The following IST1 variants were observed in gnomAD, a reference collection of about 807,000 sequenced individuals.
The protein encoded by IST1 is IST1 factor associated with ESCRT-III.
IST1 carries 23 observed loss-of-function variants against 37.0 expected under a neutral mutation model. The ratio of observed to expected loss-of-function variants is 0.62; its 90% confidence interval spans 0.45 to 0.88. IST1 has a LOEUF of 0.88. Among genes scored for constraint, IST1 ranks in the 40% least tolerant of loss-of-function variants. IST1 has a pLI of 0.00. For missense variants in IST1, 488 were observed against 445.4 expected, an observed-to-expected ratio of 1.10 and a Z score of -0.86; for synonymous variants, 180 against 161.7, an observed-to-expected ratio of 1.11 and a Z score of -0.86.
chr16:71,917,075 G>T lies in IST1; in HGVS notation c.298G>T (p.Val100Leu). The T allele has an allele frequency of 6.2e-7, 1 of 1,611,744 alleles. No homozygotes were observed. The highest frequency in any genetic ancestry group is 8.5e-7 in the Non-Finnish European group (1 of 1,178,876). The change falls in exon 4 of 10, where the codon GTG becomes TTG. Residue 100 changes from valine to leucine, a missense_variant. Val to Leu is a conservative substitution (Grantham distance 32). Around this residue, in one of 2 missense-constraint regions of IST1, gnomAD observed 455 missense variants for 386.2 expected, o/e 1.18. Transcript: ENST00000378799. ...ACTAGATTCTGGTCTGGCTGAATCT[G>T]TGTCTACATTGATCTGGGCTGCTCC... is the stretch of plus-strand genomic sequence containing the variant. The part of the protein sequence containing the change: ...KELDSGLAES[V>L]STLIWAAPRL...
In IST1 at chr16:71,916,440, C is replaced by A. The variant is rs201160658; in HGVS notation, c.89-22C>A. On this transcript the variant is annotated intron_variant, in intron 2 of 9. Transcript: ENST00000378799. ...TGCAAGTGCTCTACTGCTGTGAGATCGGAGTGGGATTTGTGTCTTAGCGGA... is the reference window on the plus strand; with the variant it reads ...TGCAAGTGCTCTACTGCTGTGAGATAGGAGTGGGATTTGTGTCTTAGCGGA... 56 of 1,609,082 alleles carry A rather than the reference C, an allele frequency of 3.5e-5. No individual in the cohort carries two copies. In the Middle Eastern group the frequency reaches 8.9e-4, roughly 26 times the overall value.
intron 2 of IST1, 67 bp from the exon 3 acceptor site, chr16:71,916,395 A>C (rs1269489192): frequency 3.5e-5 from 52 of 1,477,614 alleles, no homozygotes; most frequent in Non-Finnish European, 4.9e-5. Flanking sequence ...TGTTGGGGGG[A>C]GATTGGCCTG....
At position 71,927,672 on chromosome 16, in the gene IST1, T is replaced by C. The variant is rs1416818744; in HGVS notation, c.960T>C (p.Tyr320=). The change falls in exon 10 of 10, where the codon TAT becomes TAC. Residue 320 remains tyrosine, a synonymous_variant. Coordinates refer to ENST00000378799, the MANE Select transcript of IST1 (RefSeq NM_001270975.2). ...AKLPSRPADN[Y]DNFVLPELPS... ...TTCCTTCCAGACCTGCAGATAACTATGACAACTTTGTCCTACCAGAGTTGC... is the reference window on the plus strand; with the variant it reads ...TTCCTTCCAGACCTGCAGATAACTACGACAACTTTGTCCTACCAGAGTTGC... 1 of 1,613,980 alleles carries C rather than the reference T, an allele frequency of 6.2e-7. No homozygotes were observed. The highest frequency in any genetic ancestry group is 1.3e-5 in the African/African-American group (1 of 75,060).
chr16:71,918,108 G>C (rs981055778), intron 4 of IST1, among the ~76,000 whole-genome samples: 2 of 152,192 alleles, frequency 1.3e-5, no homozygotes, highest in African/African-American at 4.8e-5. Context: ...TGAGGAACTA[G>C]TCATCTTTCC....
At chr16:71,920,945 T>C (rs1567471336) in intron 5 of IST1, 123 bp downstream of exon 5, 1 of 763,334 alleles carries the variant, frequency 1.3e-6, no homozygotes, top group African/African-American at 1.7e-5. Flanking sequence ...CATAGTGGGG[T>C]GAGGAGGACA....
Position 71,927,892 on chromosome 16 carries a change from A to T in IST1, c.*79A>T. 1 of 1,030,446 alleles carries T rather than the reference A, an allele frequency of 9.7e-7. No individual in the cohort carries two copies. The highest frequency in any genetic ancestry group is 1.5e-6 in the Non-Finnish European group (1 of 667,726). The allele number at this position is 1,030,446 out of a possible 1,614,324, so 63.8% of individuals were successfully genotyped here. On this transcript the variant is annotated 3_prime_UTR_variant, in exon 10 of 10. Transcript: ENST00000378799. Reference sequence around the variant, plus strand: ...TCCTTGTAACAAAGAATCTCCATGAAATTCTGTTTCATCTGTTAACCGTCA... The same window carrying T: ...TCCTTGTAACAAAGAATCTCCATGATATTCTGTTTCATCTGTTAACCGTCA...
chr16:71,908,051 T>G (rs531443569), intron 1 of IST1, among the ~76,000 whole-genome samples: 16 of 152,184 alleles, frequency 1.1e-4, no homozygotes, highest in African/African-American at 3.6e-4. Context: ...TTCAAGCAGT[T>G]CTCTGCCTCA....
At chr16:71,897,798 T>G (rs2037008786) in intron 1 of IST1, among the ~76,000 whole-genome samples, 1 of 151,328 alleles carries the variant, frequency 6.6e-6, no homozygotes, top group Admixed American at 6.6e-5. Context: ...ATACAAAAAT[T>G]AGCCAGGAGT....
In IST1 at chr16:71,922,737, G is replaced by A. The variant is rs538261647; in HGVS notation, c.759+57G>A. ...AGAAAATGTTATAGATAACAAGTTG[G>A]CTCTGTGAACACACTCAGGAATCAT... On this transcript the variant is annotated intron_variant, in intron 7 of 9. Coordinates refer to ENST00000378799, the MANE Select transcript of IST1 (RefSeq NM_001270975.2). 952 of 1,427,062 alleles carry A rather than the reference G, an allele frequency of 6.7e-4. 17 individuals carry two copies. In the South Asian group the frequency reaches 0.011, roughly 17 times the overall value. 88.4% of individuals were successfully genotyped at this position (1,427,062 alleles called of 1,614,324 possible). A position where few individuals can be genotyped will look rare whatever the true frequency, so the allele number is the denominator to read the frequency against.
upstream of IST1, chr16:71,895,047 G>A: frequency 4.1e-6 from 2 of 492,458 alleles, no homozygotes; most frequent in Non-Finnish European, 7.3e-6. Flanking sequence ...CGGAGGCGCT[G>A]GGTGAAGAGT....
intron 4 of IST1, among the ~76,000 whole-genome samples, chr16:71,920,449 T>C (rs2037553903): frequency 6.6e-6 from 1 of 152,264 alleles, no homozygotes; most frequent in South Asian, 2.1e-4. Flanking sequence ...CTTTACTTTG[T>C]ACAATTTGAT....
At chr16:71,898,342 CCTGGTG>C (rs2037022926) in intron 1 of IST1, among the ~76,000 whole-genome samples, 1 of 146,552 alleles carries the variant, frequency 6.8e-6, no homozygotes, top group Non-Finnish European at 1.5e-5. Flanking sequence ...GCACCACCTG[CCTGGTG>C]ACAGAGACAC....
In IST1 at chr16:71,927,618, T is replaced by C. The variant is rs1266252596; in HGVS notation, c.906T>C (p.Pro302=). The C allele has an allele frequency of 3.1e-6, 5 of 1,613,200 alleles. No individual in the cohort carries two copies. Among genetic ancestry groups the C allele is most frequent in the Non-Finnish European group, 3.4e-6 (4 of 1,179,148 alleles). ...KNISSAQIVG[P]GPKPEASAKL... is the part of the protein sequence containing the mutation. Reference sequence around the variant, plus strand: ...TGTGCTCCTTGCCCTAATTAGGTCCTGGACCCAAGCCAGAAGCCTCTGCAA... The same window carrying C: ...TGTGCTCCTTGCCCTAATTAGGTCCCGGACCCAAGCCAGAAGCCTCTGCAA... Residue 302 remains proline, a synonymous_variant, in exon 10 of 10, where the codon CCT becomes CCC. Coordinates refer to ENST00000378799, the MANE Select transcript of IST1 (RefSeq NM_001270975.2).
intron 1 of IST1, 48 bp from the exon 2 acceptor site, chr16:71,915,578 G>A: frequency 7.4e-7 from 1 of 1,349,852 alleles, no homozygotes; most frequent in Non-Finnish European, 1.0e-6. Flanking sequence ...GTTAGTTCCT[G>A]AACTAATGTT....
intron 1 of IST1, among the ~76,000 whole-genome samples, chr16:71,898,073 A>G (rs559900344): frequency 9.3e-5 from 14 of 151,244 alleles, no homozygotes; most frequent in Non-Finnish European, 1.9e-4. Flanking sequence ...TTGTAAAACT[A>G]TACCTTAAGA....
rs376793362 is a variant in IST1, at chr16:71,929,626, C to G, written c.*1813C>G. On this transcript the variant is annotated 3_prime_UTR_variant, in exon 10 of 10. Transcript: ENST00000378799. ...TGAGGTTTTTTGGGGCCAACTGATT[C>G]CTAACAAATTTGAGAGCTTCTGTAG... 20 of 1,551,598 alleles carry G rather than the reference C, an allele frequency of 1.3e-5. No homozygotes were observed. The highest frequency in any genetic ancestry group is 9.8e-5 in the East Asian group (4 of 40,932).
chr16:71,904,520 C>T (rs927179967), intron 1 of IST1, among the ~76,000 whole-genome samples: 4 of 152,166 alleles, frequency 2.6e-5, no homozygotes, highest in African/African-American at 9.7e-5. Flanking sequence ...TTAAGCAGTT[C>T]TCCCACTTCA....
At chr16:71,917,187 G>A (rs144401245) in intron 4 of IST1, 53 bp downstream of exon 4, 104 of 1,140,094 alleles carry the variant, frequency 9.1e-5, no homozygotes, top group Non-Finnish European at 1.3e-4. Flanking sequence ...TGTTAGAAAG[G>A]TTGGTTAATA....
chr16:71,918,604 G>A (rs1195182458), intron 4 of IST1, among the ~76,000 whole-genome samples: 1 of 151,982 alleles, frequency 6.6e-6, no homozygotes, highest in East Asian at 1.9e-4. Context: ...TTTTGGTAGA[G>A]ACGGGATTTC....
Sources: allele counts gnomAD v4.1 joint callset (sites outside exome capture counted in the v4.1 genomes callset), GRCh38; gene constraint gnomAD v4.1.1; regional missense constraint gnomAD v4.1.1; transcripts MANE v1.5; gene names NCBI Gene and HGNC (gene_info 2026-07-23, HGNC 2026-07-21).